MICAL3: variants seen among roughly 807,000 people sequenced by gnomAD.
MICAL3 encodes microtubule associated monooxygenase, calponin and LIM domain containing 3.
MICAL3 carries 62 observed loss-of-function variants against 207.4 expected under a neutral mutation model. The ratio of observed to expected loss-of-function variants is 0.30; its 90% CI spans 0.24 to 0.37. The LOEUF (loss-of-function observed/expected upper bound fraction) is 0.37. Among genes scored for constraint, MICAL3 ranks in the 10% least tolerant of loss-of-function variants. The pLI, the probability that MICAL3 is intolerant of heterozygous loss-of-function variation, is 1.00. For missense variants in MICAL3, 2,368 were observed against 2,635.6 expected (o/e 0.90, Z 2.22); for synonymous variants, 1,077 against 1,069.3 (o/e 1.01, Z -0.14).
intron 1 of MICAL3, among the ~76,000 whole-genome samples, chr22:17,999,383 G>A (rs1922670677): frequency 6.6e-6 from 1 of 152,184 alleles, no homozygotes; most frequent in Admixed American, 6.5e-5. Context: ...AATGTCTGGA[G>A]AGCTGGAAGT....
In MICAL3 at chr22:17,793,885, G is replaced by A. The variant is rs1392368889; in HGVS notation, c.5651-2584C>T. The A allele has an allele frequency of 1.3e-5, 2 of 152,022 alleles. No homozygotes were observed. The highest frequency in any genetic ancestry group is 2.1e-4 in the South Asian group (1 of 4,820). 9.4% of individuals were successfully genotyped at this position (152,022 alleles called of 1,614,324 possible). A position where few individuals can be genotyped will look rare whatever the true frequency, so the allele number is the denominator to read the frequency against. The stretch of plus-strand genomic sequence containing the variant: ...GGAGCAGGAATTTGGAAGTGGAGAG[G>A]GACAGGGAGAAGGTGGAATAAAAAC... On this transcript the variant is annotated intron_variant, in intron 29 of 31. Transcript: ENST00000441493. This position sits in a 1 kb window ranked among gnomAD's most constrained non-coding sequence, Gnocchi z 4.1.
At chr22:17,917,288 T>C (rs1569132205) in intron 1 of MICAL3, among the ~76,000 whole-genome samples, 1 of 152,238 alleles carries the variant, frequency 6.6e-6, no homozygotes, top group Non-Finnish European at 1.5e-5. Flanking sequence ...GGCAACACTC[T>C]GATGCCGCTC....
intron 1 of MICAL3, among the ~76,000 whole-genome samples, chr22:17,987,301 G>A (rs1189148780): frequency 6.6e-6 from 1 of 152,242 alleles, no homozygotes; most frequent in Non-Finnish European, 1.5e-5. Flanking sequence ...ATGGAGGAGA[G>A]GAAAGCTGAA....
chr22:17,882,439 C>A (rs138756600), intron 16 of MICAL3, among the ~76,000 whole-genome samples: 1 of 152,158 alleles, frequency 6.6e-6, no homozygotes, highest in Non-Finnish European at 1.5e-5. Context: ...AAGGGAGATG[C>A]GGAGGGCCAG....
chr22:17,995,480 CCTTTT>C (rs1922170463), intron 1 of MICAL3, among the ~76,000 whole-genome samples: 1 of 149,486 alleles, frequency 6.7e-6, no homozygotes, highest in South Asian at 2.1e-4. Flanking sequence ...TTGCACCCAG[CCTTTT>C]CTTTAATTTT....
chr22:17,957,579 C>T lies in MICAL3; in HGVS notation c.-74-50693G>A, dbSNP rs750911489. On this transcript the variant is annotated intron_variant, in intron 1 of 31. Coordinates refer to ENST00000441493, the MANE Select transcript of MICAL3 (RefSeq NM_015241.3). ...ACAAAACATTAGCTGGGCATGGTCG[C>T]GTGCGCCTGTAATCCCAGCTACTCA... Among the ~76,000 whole-genome samples the T allele has an allele frequency of 4.6e-5, 7 of 151,940 alleles. No individual in the cohort carries two copies. The South Asian group carries it at 1.0e-3, about 23-fold the overall frequency.
chr22:17,896,185 A>G, intron 9 of MICAL3, 61 bp downstream of exon 9: 2 of 905,400 alleles, frequency 2.2e-6, no homozygotes, highest in East Asian at 5.3e-5. Flanking sequence ...CTGCCTGAAG[A>G]GTAAACCACT....
chr22:17,959,010 GTTTT>G (rs34107784), intron 1 of MICAL3, among the ~76,000 whole-genome samples: 21 of 85,850 alleles, frequency 2.4e-4, no homozygotes, highest in African/African-American at 5.1e-4. Context: ...CGGGCCTGGG[GTTTT>G]TTTTTTTTTT....
At chr22:17,853,377 A>G (rs528748123) in intron 19 of MICAL3, among the ~76,000 whole-genome samples, 15 of 152,320 alleles carry the variant, frequency 9.8e-5, no homozygotes, top group African/African-American at 3.4e-4. Flanking sequence ...GGCTGAAGAT[A>G]TATCTCAACG....
chr22:17,820,300 G>C (rs1374183961), intron 25 of MICAL3, among the ~76,000 whole-genome samples: 1 of 152,106 alleles, frequency 6.6e-6, no homozygotes, highest in African/African-American at 2.4e-5. Flanking sequence ...GTCACAGTTG[G>C]CTTTGCAGCA....
chr22:17,998,309 AAAGAAG>A (rs1018400689), intron 1 of MICAL3, among the ~76,000 whole-genome samples: 2 of 152,274 alleles, frequency 1.3e-5, no homozygotes, highest in African/African-American at 2.4e-5. Context: ...CGTCTCAAAA[AAAGAAG>A]AAGAAGAAGA....
rs1242806472 is a variant in MICAL3 at position 17,895,411 on chromosome 22, C to T, written c.1323-1G>A. ...AGGCAGCAACCTGTAAATACTTTCC[C>T]TGCAATAACACAACAATATACTCAG... On this transcript the variant is annotated splice_acceptor_variant, in intron 9 of 31. Transcript: ENST00000441493. LOFTEE classifies it high-confidence loss of function. 6.2e-7 allele frequency: 1 copy of T among 1,613,610 alleles called. No individual in the cohort carries two copies.
At chr22:17,907,718 A>G (rs550545330) in intron 1 of MICAL3, among the ~76,000 whole-genome samples, 8 of 152,324 alleles carry the variant, frequency 5.3e-5, no homozygotes, top group Admixed American at 3.9e-4. Flanking sequence ...AGCCCTCTTA[A>G]AAGATGAGGA....
In MICAL3 at chr22:17,902,759, C is replaced by T; in HGVS notation, c.473-12G>A. 6.6e-7 allele frequency: 1 copy of T among 1,525,274 alleles called. No homozygotes were observed. The allele number at this position is 1,525,274 out of a possible 1,614,324, so 94.5% of individuals were successfully genotyped here. On this transcript the variant is annotated splice_polypyrimidine_tract_variant and intron_variant, in intron 3 of 31. Coordinates refer to ENST00000441493, the MANE Select transcript of MICAL3 (RefSeq NM_015241.3). The surrounding 1 kb of genome is among the most constrained non-coding windows in gnomAD (Gnocchi z 4.5). ...GAGCTGACGGATACCTGGGAGAATA[C>T]AGAGATGACGTTGATGGGAACACAT...
chr22:17,941,870 G>T (rs1284912111), intron 1 of MICAL3, among the ~76,000 whole-genome samples: 3 of 152,144 alleles, frequency 2.0e-5, no homozygotes, highest in Admixed American at 1.3e-4. Flanking sequence ...CCATTCTAAA[G>T]TGCCTCCAGG....
chr22:17,950,588 C>T (rs1282352427), intron 1 of MICAL3, among the ~76,000 whole-genome samples: 3 of 152,078 alleles, frequency 2.0e-5, no homozygotes, highest in Non-Finnish European at 4.4e-5. Flanking sequence ...CCTCCCGCCT[C>T]GACCTCCCAA....
chr22:17,921,911 G>T (rs1932808221), intron 1 of MICAL3, among the ~76,000 whole-genome samples: 1 of 152,086 alleles, frequency 6.6e-6, no homozygotes, highest in African/African-American at 2.4e-5. Context: ...CAAACCCTCA[G>T]CAAGGCCCAA....
chr22:17,817,321 G>A lies in MICAL3; in HGVS notation c.5340C>T (p.Val1780=), dbSNP rs760299559. The A allele has an allele frequency of 5.4e-5, 86 of 1,598,558 alleles. 1 individual carries two copies. Among genetic ancestry groups the A allele is most frequent in the South Asian group, 2.6e-4 (23 of 89,320 alleles). ...CGGCTGCTGACGCACCTGCCCTTAC[G>A]ACGGGAAGCACCCTGTGCTTTCCAG... ...VDSGKHRVLP[V]VRAELQLRRQ... is the part of the protein sequence containing the mutation. Residue 1780 remains valine, a synonymous_variant, in exon 26 of 32, where the codon GTC becomes GTT. Coordinates refer to ENST00000441493, the MANE Select transcript of MICAL3 (RefSeq NM_015241.3).
intron 1 of MICAL3, among the ~76,000 whole-genome samples, chr22:17,973,152 G>A (rs562329158): frequency 6.6e-6 from 1 of 152,378 alleles, no homozygotes; most frequent in South Asian, 2.1e-4. Context: ...CCAGATGGGG[G>A]GAAAAGGGAG....
Sources: allele counts gnomAD v4.1 joint callset (sites outside exome capture counted in the v4.1 genomes callset), GRCh38; gene constraint gnomAD v4.1.1; non-coding constraint Gnocchi (gnomAD v3.1); transcripts MANE v1.5; gene names NCBI Gene and HGNC (gene_info 2026-07-23, HGNC 2026-07-21).